Variants in WDR3 observed in about 807,000 individuals in gnomAD.
WDR3 encodes WD repeat domain 3.
A neutral mutation model predicts 123.7 loss-of-function variants in WDR3; 81 were observed. The observed-to-expected ratio is 0.65, with a 90% CI of 0.55 to 0.79. The LOEUF (loss-of-function observed/expected upper bound fraction) is 0.79. Ranked by LOEUF, WDR3 falls within the 30% of genes least tolerant of loss-of-function variation. The probability of loss-of-function intolerance (pLI) is 0.00; values close to 1 mark genes in which losing one functional copy is unlikely to be tolerated. For synonymous variants in WDR3, 390 were observed against 388.8 expected (o/e 1.00, Z -0.04); for missense variants, 1,027 against 1,123.2 (o/e 0.91, Z 1.22).
chr1:117,959,642 C>G lies in WDR3; in HGVS notation c.*195C>G. The G allele has an allele frequency of 2.3e-5, 11 of 484,860 alleles. No homozygotes were observed. Among genetic ancestry groups the G allele is most frequent in the Non-Finnish European group, 3.8e-5 (11 of 291,088 alleles). 30.0% of individuals were successfully genotyped at this position (484,860 alleles called of 1,614,324 possible). On this transcript the variant is annotated 3_prime_UTR_variant, in exon 27 of 27. Transcript: ENST00000349139. Reference sequence around the variant, plus strand: ...TTATGGGCTGGCTCCATTTCTTGGACTTAAAATGCATTATTAGTTTAAAAA... The same window carrying G: ...TTATGGGCTGGCTCCATTTCTTGGAGTTAAAATGCATTATTAGTTTAAAAA...
rs935874294 is a variant in WDR3, at chr1:117,966,369, CA to C, written c.*6924del. 1 of 356,056 alleles carries C rather than the reference CA, an allele frequency of 2.8e-6. No homozygotes were observed. The highest frequency in any genetic ancestry group is 5.0e-6 in the Non-Finnish European group (1 of 200,556). 22.1% of individuals were successfully genotyped at this position (356,056 alleles called of 1,614,324 possible). ...TTCTGTCTGATATTCCGTAGATAGCCAATAACATTTACATTTATTCAATCTG... is the reference window on the plus strand; with the variant it reads ...TTCTGTCTGATATTCCGTAGATAGCCATAACATTTACATTTATTCAATCTG... On this transcript the variant is annotated 3_prime_UTR_variant, in exon 27 of 27. Coordinates refer to ENST00000349139, the MANE Select transcript of WDR3 (RefSeq NM_006784.3).
Position 117,940,749 on chromosome 1 carries a change from CAA to C in WDR3, c.676-75_676-74del, listed in dbSNP as rs373005484. On this transcript the variant is annotated intron_variant, in intron 6 of 26. Transcript: ENST00000349139. ...TCTCCGACAACAACAACAACAACAA[CAA>C]AACAACAACAACAACAACAACATGC... is the stretch of plus-strand genomic sequence containing the variant. 7.3e-4 allele frequency: 948 copies of C among 1,293,698 alleles called. 3 individuals carry two copies. The African/African-American group carries it at 8.0e-3, about 11-fold the overall frequency. The allele number at this position is 1,293,698 out of a possible 1,614,324, so 80.1% of individuals were successfully genotyped here. A position where few individuals can be genotyped will look rare whatever the true frequency, so the allele number is the denominator to read the frequency against.
rs1416209281 is a variant in WDR3 at position 117,933,032 on chromosome 1, T to TGAA, written c.-32-256_-32-255insGAA. ...CAATATGGTGAAACCCCATCTCTAC[T>TGAA]AAAAAAAAAAAAAAAAAAAAAATTA... On this transcript the variant is annotated intron_variant, in intron 1 of 26. Coordinates refer to ENST00000349139, the MANE Select transcript of WDR3 (RefSeq NM_006784.3). Among the ~76,000 whole-genome samples the TGAA allele has an allele frequency of 3.3e-4, 31 of 92,854 alleles. 1 individual carries two copies. The highest frequency in any genetic ancestry group is 1.2e-3 in the African/African-American group (30 of 25,858). 60.9% of individuals were successfully genotyped at this position (92,854 alleles called of 152,430 possible).
At chr1:117,930,210 G>A (rs906741125) in intron 1 of WDR3, among the ~76,000 whole-genome samples, 4 of 152,238 alleles carry the variant, frequency 2.6e-5, no homozygotes, top group African/African-American at 9.6e-5. Flanking sequence ...CTCGGAAGAA[G>A]GTTTGGTCGT....
chr1:117,938,954 T>G (rs1299616235), intron 5 of WDR3, among the ~76,000 whole-genome samples: 1 of 152,232 alleles, frequency 6.6e-6, no homozygotes, highest in Non-Finnish European at 1.5e-5. Flanking sequence ...GACTGTTTTT[T>G]ATATATCTTT....
At chr1:117,946,925 A>G (rs1460358717) in intron 12 of WDR3, among the ~76,000 whole-genome samples, 2 of 137,784 alleles carry the variant, frequency 1.5e-5, no homozygotes, top group Non-Finnish European at 1.5e-5. Flanking sequence ...TGGGTGACAG[A>G]GCAAGACTCC....
At position 117,950,116 on chromosome 1, in the gene WDR3, G is replaced by C. The variant is rs760784329; in HGVS notation, c.1732G>C (p.Val578Leu). 3 of 1,613,552 alleles carry C rather than the reference G, an allele frequency of 1.9e-6. No homozygotes were observed. Among genetic ancestry groups the C allele is most frequent in the Non-Finnish European group, 2.5e-6 (3 of 1,179,814 alleles). Reference sequence around the variant, plus strand: ...GGACTGTACTGTGAAAATTTTCTACGTTGATACTTTAAAGGTACAGTGGTT... The same window carrying C: ...GGACTGTACTGTGAAAATTTTCTACCTTGATACTTTAAAGGTACAGTGGTT... ...LLDCTVKIFY[V>L]DTLKFFLSLY... The change falls in exon 15 of 27, where the codon GTT (valine) becomes CTT (leucine). Residue 578 changes from valine to leucine, a missense_variant. Transcript: ENST00000349139.
rs555261933 is a variant in WDR3 at position 117,959,652 on chromosome 1, A to G, written c.*205A>G. The G allele has an allele frequency of 1.4e-5, 6 of 442,500 alleles. 1 individual carries two copies. The South Asian group carries it at 3.7e-4, about 28-fold the overall frequency. The allele number at this position is 442,500 out of a possible 1,614,324, so 27.4% of individuals were successfully genotyped here. A position where few individuals can be genotyped will look rare whatever the true frequency, so the allele number is the denominator to read the frequency against. Reference sequence around the variant, plus strand: ...GCTCCATTTCTTGGACTTAAAATGCATTATTAGTTTAAAAATCTTTCTGTG... The same window carrying G: ...GCTCCATTTCTTGGACTTAAAATGCGTTATTAGTTTAAAAATCTTTCTGTG... On this transcript the variant is annotated 3_prime_UTR_variant, in exon 27 of 27. Coordinates refer to ENST00000349139, the MANE Select transcript of WDR3 (RefSeq NM_006784.3).
At chr1:117,935,680 CTA>C (rs1283781278) in intron 3 of WDR3, among the ~76,000 whole-genome samples, 1 of 151,728 alleles carries the variant, frequency 6.6e-6, no homozygotes, top group African/African-American at 2.4e-5. Context: ...AAAGACTTAA[CTA>C]TTAAAAAATA....
chr1:117,950,911 C>T, intron 16 of WDR3, 21 bp downstream of exon 16: 1 of 1,592,360 alleles, frequency 6.3e-7, no homozygotes, highest in Admixed American at 1.8e-5. Flanking sequence ...TAAATAGTGT[C>T]TCAGTAATAT....
At chr1:117,948,898 A>G (rs940708443) in intron 13 of WDR3, among the ~76,000 whole-genome samples, 5 of 152,150 alleles carry the variant, frequency 3.3e-5, no homozygotes, top group Non-Finnish European at 2.9e-5. Flanking sequence ...TTACAAGTCA[A>G]TAAATATGTG....
At chr1:117,949,955 A>G (rs570760873) in intron 14 of WDR3, 40 bp from the exon 15 acceptor site, 2 of 1,612,868 alleles carry the variant, frequency 1.2e-6, no homozygotes, top group South Asian at 2.2e-5. Flanking sequence ...CTGAATTTGT[A>G]TACTCATTTA....
chr1:117,948,446 G>T lies in WDR3; in HGVS notation c.1464G>T (p.Leu488=), dbSNP rs1239780487. The T allele has an allele frequency of 1.2e-6, 2 of 1,613,954 alleles. No individual in the cohort carries two copies. Among genetic ancestry groups the T allele is most frequent in the South Asian group, 1.1e-5 (1 of 91,062 alleles). Reference sequence around the variant, plus strand: ...TTTATGACTTGGCTTCAGGGAATCTGCTGGAGACAATAGATGCACATGATG... The same window carrying T: ...TTTATGACTTGGCTTCAGGGAATCTTCTGGAGACAATAGATGCACATGATG... ...LQLYDLASGN[L]LETIDAHDGA... The change falls in exon 13 of 27, where the codon CTG becomes CTT. Residue 488 remains leucine (L), a synonymous_variant. Coordinates refer to ENST00000349139, the MANE Select transcript of WDR3 (RefSeq NM_006784.3).
chr1:117,943,754 A>T (rs912769773), intron 11 of WDR3, 128 bp downstream of exon 11: 2 of 829,712 alleles, frequency 2.4e-6, no homozygotes, highest in South Asian at 3.9e-5. Flanking sequence ...CATTTGGGCC[A>T]TTAGCCTGTG....
chr1:117,950,973 C>A, intron 16 of WDR3, 83 bp downstream of exon 16: 1 of 1,123,134 alleles, frequency 8.9e-7, no homozygotes, highest in Non-Finnish European at 1.3e-6. Context: ...ATGTCTTCAT[C>A]TTAGATTATT....
chr1:117,941,354 G>A (rs1651164568), intron 8 of WDR3, 129 bp downstream of exon 8: 4 of 814,850 alleles, frequency 4.9e-6, no homozygotes, highest in Non-Finnish European at 7.5e-6. Flanking sequence ...GGTACTGTGT[G>A]GACCTATAAT....
chr1:117,942,703 G>A (rs1246671028), intron 10 of WDR3, among the ~76,000 whole-genome samples, 159 bp downstream of exon 10: 2 of 152,044 alleles, frequency 1.3e-5, no homozygotes, highest in Non-Finnish European at 2.9e-5. Context: ...TCCTAATCAT[G>A]GGCCCACTTT....
intron 23 of WDR3, chr1:117,955,105 T>C: frequency 2.2e-6 from 1 of 459,120 alleles, no homozygotes; most frequent in Non-Finnish European, 3.8e-6. Flanking sequence ...ATAAGGAATC[T>C]GGCTTGACTT....
intron 5 of WDR3, 51 bp downstream of exon 5, chr1:117,938,609 A>G: frequency 6.6e-7 from 1 of 1,524,684 alleles, no homozygotes; most frequent in Non-Finnish European, 9.0e-7. Flanking sequence ...CAAAAGGGAA[A>G]AGGTGGTGGT....
Sources: gnomAD v4.1 joint callset for allele counts (sites outside exome capture counted in the v4.1 genomes callset) on GRCh38, gnomAD v4.1.1 for gene constraint, MANE v1.5 for transcripts, NCBI Gene and HGNC (gene_info 2026-07-23, HGNC 2026-07-21) for gene names.